MMS22L: variants seen among roughly 807,000 people sequenced by gnomAD.
MMS22L encodes the protein protein MMS22-like.
MMS22L carries 74 observed loss-of-function variants against 159.1 expected under a neutral mutation model. That is an observed-to-expected ratio of 0.47 (90% CI 0.39 to 0.56). MMS22L has a LOEUF of 0.56. Among genes scored for constraint, MMS22L ranks in the 20% least tolerant of loss-of-function variants. The pLI is 0.00. For synonymous variants in MMS22L, 517 were observed against 506.9 expected (o/e 1.02, Z -0.27); for missense variants, 1,351 against 1,422.1 (o/e 0.95, Z 0.80).
At chr6:97,248,095 A>G (rs532290637) in intron 10 of MMS22L, among the ~76,000 whole-genome samples, 22 of 152,216 alleles carry the variant, frequency 1.4e-4, no homozygotes, top group Non-Finnish European at 2.9e-4. Context: ...CAATACCAAT[A>G]TAAGTGATAG....
chr6:97,188,889 G>A (rs1805540863), intron 14 of MMS22L, among the ~76,000 whole-genome samples: 2 of 152,088 alleles, frequency 1.3e-5, no homozygotes, highest in Admixed American at 1.3e-4. Context: ...TTGAACCCAG[G>A]AGGTGGAGGT....
chr6:97,281,190 A>T (rs200098627), intron 3 of MMS22L, 47 bp downstream of exon 3: 8 of 1,550,324 alleles, frequency 5.2e-6, no homozygotes, highest in Non-Finnish European at 6.9e-6. Flanking sequence ...GTAATTTACA[A>T]AAGTGAACAA....
chr6:97,246,870 T>C (rs1039216983), intron 10 of MMS22L, among the ~76,000 whole-genome samples, 180 bp from the exon 11 acceptor site: 3 of 152,164 alleles, frequency 2.0e-5, no homozygotes, highest in Admixed American at 2.0e-4. Context: ...GAAAAAAATG[T>C]ACAACTATTC....
At chr6:97,278,508 AAAAG>A (rs1816461697) in intron 4 of MMS22L, among the ~76,000 whole-genome samples, 1 of 152,186 alleles carries the variant, frequency 6.6e-6, no homozygotes, top group Non-Finnish European at 1.5e-5. Flanking sequence ...CAGAAAGCAG[AAAAG>A]AAAATCAAGA....
At chr6:97,178,900 A>T (rs1804396441) in intron 17 of MMS22L, among the ~76,000 whole-genome samples, 1 of 152,178 alleles carries the variant, frequency 6.6e-6, no homozygotes, top group Non-Finnish European at 1.5e-5. Context: ...GCTTTGGGAA[A>T]AGACATGTCC....
At chr6:97,239,498 C>A (rs1198619971) in intron 11 of MMS22L, among the ~76,000 whole-genome samples, 3 of 152,192 alleles carry the variant, frequency 2.0e-5, no homozygotes, top group African/African-American at 7.2e-5. Flanking sequence ...AAAAACTGTA[C>A]TTAAGTAAGT....
At chr6:97,236,049 C>A (rs1811361900) in intron 11 of MMS22L, among the ~76,000 whole-genome samples, 1 of 152,026 alleles carries the variant, frequency 6.6e-6, no homozygotes, top group African/African-American at 2.4e-5. Context: ...AGTTCCGGGC[C>A]AGGCACGGTG....
At chr6:97,219,805 A>G (rs545746071) in intron 14 of MMS22L, among the ~76,000 whole-genome samples, 18 of 152,324 alleles carry the variant, frequency 1.2e-4, no homozygotes, top group Admixed American at 2.0e-4. Context: ...TGCTGTGTGC[A>G]TAAGTCTCCT....
rs1290227717 is a variant in MMS22L at position 97,181,892 on chromosome 6, A to G, written c.2384+12T>C. The G allele has an allele frequency of 6.2e-6, 10 of 1,607,844 alleles. No individual in the cohort carries two copies. The highest frequency in any genetic ancestry group is 8.5e-6 in the Non-Finnish European group (10 of 1,177,534). ...TTGCATTAATGTGTATGCCTGAAATAAAAGCACGTACCTATTTTGTAGGAC... is the reference window on the plus strand; with the variant it reads ...TTGCATTAATGTGTATGCCTGAAATGAAAGCACGTACCTATTTTGTAGGAC... On this transcript the variant is annotated intron_variant, in intron 16 of 24. Coordinates refer to ENST00000683635, the MANE Select transcript of MMS22L (RefSeq NM_001350599.2).
chr6:97,199,075 T>C (rs537694479), intron 14 of MMS22L, among the ~76,000 whole-genome samples: 1 of 152,290 alleles, frequency 6.6e-6, no homozygotes, highest in Non-Finnish European at 1.5e-5. Context: ...AAAACAGTAG[T>C]ACATAGTCAC....
chr6:97,268,145 C>A (rs909200676), intron 7 of MMS22L, 143 bp from the exon 8 acceptor site: 4 of 525,590 alleles, frequency 7.6e-6, no homozygotes, highest in Non-Finnish European at 9.4e-6. Context: ...AATTTGAGGA[C>A]AACCTTCTCA....
chr6:97,194,356 G>C (rs967926287), intron 14 of MMS22L, among the ~76,000 whole-genome samples: 4 of 152,064 alleles, frequency 2.6e-5, no homozygotes, highest in African/African-American at 9.7e-5. Flanking sequence ...ATGCCCGGCC[G>C]AGGGTCTACA....
intron 18 of MMS22L, among the ~76,000 whole-genome samples, chr6:97,177,957 G>A (rs1308026685): frequency 1.3e-5 from 2 of 152,048 alleles, no homozygotes; most frequent in African/African-American, 4.8e-5. Context: ...ATTTTGAATG[G>A]TACTGTTTAT....
At chr6:97,155,714 T>C (rs1801767302) in intron 22 of MMS22L, among the ~76,000 whole-genome samples, 1 of 152,216 alleles carries the variant, frequency 6.6e-6, no homozygotes, top group Non-Finnish European at 1.5e-5. Context: ...AGTCTATCAT[T>C]GATGGGCATT....
At chr6:97,212,810 G>A (rs887906399) in intron 14 of MMS22L, among the ~76,000 whole-genome samples, 64 of 152,210 alleles carry the variant, frequency 4.2e-4, no homozygotes, top group African/African-American at 1.5e-3. Flanking sequence ...AAATTTGCTC[G>A]AATGGTTTTG....
intron 18 of MMS22L, among the ~76,000 whole-genome samples, chr6:97,174,024 G>T (rs1377421801): frequency 6.6e-6 from 1 of 152,040 alleles, no homozygotes; most frequent in Non-Finnish European, 1.5e-5. Context: ...GGAGGCCAAG[G>T]TGGGCAGATC....
rs184534119 is a variant in MMS22L at position 97,218,598 on chromosome 6, T to A, written c.2039+10296A>T. Among the ~76,000 whole-genome samples the A allele has an allele frequency of 2.0e-5, 3 of 152,260 alleles. No individual in the cohort carries two copies. The East Asian group carries it at 5.8e-4, about 29-fold the overall frequency. On this transcript the variant is annotated intron_variant, in intron 14 of 24. Transcript: ENST00000683635. ...GTTAAATTTGTTGAATAAATTGTTT[T>A]TCATGAATATGTCTCCCCTTTAGAA...
chr6:97,181,958 T>C lies in MMS22L; in HGVS notation c.2330A>G (p.Asp777Gly), dbSNP rs377590839. ...ISIIQLFGWD[D>G]IICPQVVARY... The stretch of plus-strand genomic sequence containing the variant: ...TGCTACAACTTGAGGGCAGATGATA[T>C]CATCCCAACCAAAAAGTTGAATAAT... Residue 777 changes from aspartate (D) to glycine (G), a missense_variant, in exon 16 of 25, where the codon GAT (aspartate) becomes GGT (glycine). Transcript: ENST00000683635. 6.9e-5 allele frequency: 112 copies of C among 1,613,632 alleles called. No individual in the cohort carries two copies. Among genetic ancestry groups the C allele is most frequent in the Non-Finnish European group, 9.0e-5 (106 of 1,179,784 alleles).
intron 8 of MMS22L, chr6:97,265,070 A>C (rs1024638407): frequency 3.9e-5 from 6 of 152,194 alleles, no homozygotes; most frequent in Admixed American, 2.0e-4. Context: ...GAAATCACAA[A>C]AGGTCCTGAA....
Sources: allele counts gnomAD v4.1 joint callset (sites outside exome capture counted in the v4.1 genomes callset), GRCh38; gene constraint gnomAD v4.1.1; transcripts MANE v1.5; gene names NCBI Gene and HGNC (gene_info 2026-07-23, HGNC 2026-07-21).